SERINC5: variants seen among roughly 807,000 people sequenced by gnomAD.
SERINC5 encodes serine incorporator 5, also known as chromosome 5 open reading frame 12.
In SERINC5, 41 loss-of-function variants were observed where a neutral mutation model predicts 63.1. The ratio of observed to expected loss-of-function variants is 0.65; its 90% CI spans 0.51 to 0.84. The LOEUF is 0.84. Ranked by LOEUF, SERINC5 falls within the 40% of genes least tolerant of loss-of-function variation. The probability of loss-of-function intolerance (pLI) is 0.00; values close to 1 mark genes in which losing one functional copy is unlikely to be tolerated. For synonymous variants in SERINC5, 222 were observed against 215.2 expected (o/e 1.03, Z -0.28); for missense variants, 523 against 573.0 (o/e 0.91, Z 0.89).
chr5:80,140,497 C>T lies in SERINC5; in HGVS notation c.*3166G>A, dbSNP rs1230858867. 1.2e-5 allele frequency: 8 copies of T among 693,140 alleles called. No individual in the cohort carries two copies. The Admixed American group carries it at 3.9e-4, about 34-fold the overall frequency. 42.9% of individuals were successfully genotyped at this position (693,140 alleles called of 1,614,324 possible). On this transcript the variant is annotated 3_prime_UTR_variant, in exon 12 of 12. Transcript: ENST00000507668. ...TCCCCACAACCCACCCCCACTCTAT[C>T]TCCCCTTCAAAGAGGCTCCAAATAC...
intron 1 of SERINC5, among the ~76,000 whole-genome samples, chr5:80,242,881 C>T (rs531612160): frequency 6.6e-6 from 1 of 152,194 alleles, no homozygotes; most frequent in Non-Finnish European, 1.5e-5. Flanking sequence ...CAAGATCAGG[C>T]CTCTGCATTC....
intron 1 of SERINC5, among the ~76,000 whole-genome samples, chr5:80,249,184 G>GCA (rs1752289771): frequency 6.6e-6 from 1 of 152,100 alleles, no homozygotes; most frequent in Non-Finnish European, 1.5e-5. Context: ...GCGTGGTGAT[G>GCA]GGTGCCTGTA....
At chr5:80,250,046 A>AT (rs1203785824) in intron 1 of SERINC5, among the ~76,000 whole-genome samples, 1 of 152,194 alleles carries the variant, frequency 6.6e-6, no homozygotes, top group Non-Finnish European at 1.5e-5. Context: ...ACAAAGAGCA[A>AT]TAGGGAACAA....
At chr5:80,190,408 T>C (rs1749108960) in intron 2 of SERINC5, among the ~76,000 whole-genome samples, 1 of 152,054 alleles carries the variant, frequency 6.6e-6, no homozygotes, top group Non-Finnish European at 1.5e-5. Context: ...ATATAATTTG[T>C]AAAAATCCAG....
intron 2 of SERINC5, among the ~76,000 whole-genome samples, chr5:80,198,276 C>T (rs2112478403): frequency 6.6e-6 from 1 of 152,256 alleles, no homozygotes; most frequent in South Asian, 2.1e-4. Context: ...CAAGAGAAGA[C>T]AGAATCATGC....
At chr5:80,164,340 G>T (rs570875922) in intron 7 of SERINC5, among the ~76,000 whole-genome samples, 1 of 150,600 alleles carries the variant, frequency 6.6e-6, no homozygotes, top group Non-Finnish European at 1.5e-5. Flanking sequence ...GGTTTTTTTG[G>T]GGGGGAGGGG....
At chr5:80,175,375 T>G (rs915580586) in intron 4 of SERINC5, among the ~76,000 whole-genome samples, 1 of 152,164 alleles carries the variant, frequency 6.6e-6, no homozygotes, top group African/African-American at 2.4e-5. Context: ...AAATCCATAA[T>G]GACCCACAAC....
In SERINC5 at chr5:80,131,983, A is replaced by G. The variant is rs113207376; in HGVS notation, c.1238+14107T>C. 2.0e-3 allele frequency among the ~76,000 whole-genome samples: 302 copies of G among 152,230 alleles called. 3 individuals carry two copies. Among genetic ancestry groups the G allele is most frequent in the African/African-American group, 6.0e-3 (248 of 41,538 alleles). ...CTCCTTCTTGGAACCCAGAAGGCAT[A>G]TGGAGAAAGATACGTAGAAGAGAAC... On this transcript the variant is annotated intron_variant, in intron 11 of 12. Transcript: ENST00000509193.
rs1745413156 is a variant in SERINC5, at chr5:80,140,112, T to C, written c.*3551A>G. 3 of 920,504 alleles carry C rather than the reference T, an allele frequency of 3.3e-6. No homozygotes were observed. The highest frequency in any genetic ancestry group is 3.9e-6 in the Non-Finnish European group (3 of 771,116). The allele number at this position is 920,504 out of a possible 1,614,324, so 57.0% of individuals were successfully genotyped here. A position where few individuals can be genotyped will look rare whatever the true frequency, so the allele number is the denominator to read the frequency against. On this transcript the variant is annotated 3_prime_UTR_variant, in exon 12 of 12. Transcript: ENST00000507668. Reference sequence around the variant, plus strand: ...TGGGAAGCCAAGGCGGGCACATTGCTTGAGCTCAGGAGTTTGAGACCAGCC... The same window carrying C: ...TGGGAAGCCAAGGCGGGCACATTGCCTGAGCTCAGGAGTTTGAGACCAGCC...
chr5:80,185,989 A>G (rs1417104926), intron 2 of SERINC5, among the ~76,000 whole-genome samples: 1 of 152,052 alleles, frequency 6.6e-6, no homozygotes, highest in African/African-American at 2.4e-5. Context: ...AGACTCAGGT[A>G]CATTACATGA....
At chr5:80,168,671 C>G (rs955940254) in intron 6 of SERINC5, among the ~76,000 whole-genome samples, 1 of 152,202 alleles carries the variant, frequency 6.6e-6, no homozygotes, top group African/African-American at 2.4e-5. Context: ...AGCCCAAAGA[C>G]ACTATACCCT....
At chr5:80,231,705 C>A (rs1258004207) in intron 1 of SERINC5, among the ~76,000 whole-genome samples, 2 of 151,726 alleles carry the variant, frequency 1.3e-5, no homozygotes, top group African/African-American at 4.8e-5. Flanking sequence ...CAAGATAATT[C>A]AACTGGGAAA....
chr5:80,250,525 A>G (rs1446706116), intron 1 of SERINC5, among the ~76,000 whole-genome samples: 2 of 152,194 alleles, frequency 1.3e-5, no homozygotes, highest in African/African-American at 4.8e-5. Flanking sequence ...TATTTTTAGT[A>G]GAGACAGGGT....
chr5:80,140,338 A>C lies in SERINC5; in HGVS notation c.*3325T>G. Reference sequence around the variant, plus strand: ...AAAAAAAAAAAAAAAAAAAAGGCTTAGGGTGACAATTTTGACATGGGGACA... The same window carrying C: ...AAAAAAAAAAAAAAAAAAAAGGCTTCGGGTGACAATTTTGACATGGGGACA... On this transcript the variant is annotated 3_prime_UTR_variant, in exon 12 of 12. Coordinates refer to ENST00000507668, the MANE Select transcript of SERINC5 (RefSeq NM_001174072.3). 12 of 583,026 alleles carry C rather than the reference A, an allele frequency of 2.1e-5. No individual in the cohort carries two copies. Among genetic ancestry groups the C allele is most frequent in the Non-Finnish European group, 2.5e-5 (12 of 471,228 alleles). 36.1% of individuals were successfully genotyped at this position (583,026 alleles called of 1,614,324 possible). A position where few individuals can be genotyped will look rare whatever the true frequency, so the allele number is the denominator to read the frequency against.
intron 11 of SERINC5, among the ~76,000 whole-genome samples, chr5:80,131,599 G>A (rs748791358): frequency 1.3e-5 from 2 of 152,132 alleles, no homozygotes; most frequent in African/African-American, 2.4e-5. Context: ...GGAACAGAGT[G>A]GGCAAAGAGG....
intron 7 of SERINC5, among the ~76,000 whole-genome samples, chr5:80,164,911 T>G (rs1012361174): frequency 1.5e-4 from 3 of 20,678 alleles, no homozygotes; most frequent in Admixed American, 1.3e-3. Flanking sequence ...TTTTTTTCTG[T>G]TTTTTTTTTT....
intron 7 of SERINC5, 33 bp downstream of exon 7, chr5:80,166,350 C>T (rs774748219): frequency 3.9e-5 from 54 of 1,384,754 alleles, no homozygotes; most frequent in Middle Eastern, 3.5e-4. Flanking sequence ...ATATTCACAC[C>T]GCAAACACAA....
intron 7 of SERINC5, among the ~76,000 whole-genome samples, chr5:80,162,788 T>C (rs1747024944): frequency 6.6e-6 from 1 of 152,208 alleles, no homozygotes; most frequent in South Asian, 2.1e-4. Context: ...TAAATGGGAC[T>C]GGCTTCTTGA....
chr5:80,136,715 T>C (rs534095874), downstream of SERINC5, among the ~76,000 whole-genome samples: 115 of 152,298 alleles, frequency 7.6e-4, no homozygotes, highest in Non-Finnish European at 9.0e-4. Flanking sequence ...AAGGGGTTAA[T>C]ATTCAAGATA....
Sources: gnomAD v4.1 joint callset for allele counts (sites outside exome capture counted in the v4.1 genomes callset) on GRCh38, gnomAD v4.1.1 for gene constraint, MANE v1.5 for transcripts, NCBI Gene and HGNC (gene_info 2026-07-23, HGNC 2026-07-21) for gene names.